Variants in TRPM4 observed in about 807,000 individuals in gnomAD.
TRPM4 encodes the protein calcium-activated non-selective cation channel 1.
A neutral mutation model predicts 135.6 loss-of-function variants in TRPM4; 124 were observed. That is an observed-to-expected ratio of 0.91 (90% CI 0.79 to 1.06). The LOEUF (loss-of-function observed/expected upper bound fraction) is 1.06. Among genes scored for constraint, TRPM4 ranks in the 50% least tolerant of loss-of-function variants. The pLI, the probability that TRPM4 is intolerant of heterozygous loss-of-function variation, is 0.00. For missense variants in TRPM4, 1,658 were observed against 1,671.4 expected (o/e 0.99, Z 0.14); for synonymous variants, 745 against 705.6 (o/e 1.06, Z -0.88).
intron 16 of TRPM4, among the ~76,000 whole-genome samples, chr19:49,194,673 C>CTCCA (rs1454094776): frequency 6.9e-6 from 1 of 144,734 alleles, no homozygotes; most frequent in Non-Finnish European, 1.5e-5. Context: ...CCCTCCCTCC[C>CTCCA]TTCCTTCCTT....
At chr19:49,186,041 G>C (rs552733776) in intron 12 of TRPM4, among the ~76,000 whole-genome samples, 1 of 152,136 alleles carries the variant, frequency 6.6e-6, no homozygotes, top group Non-Finnish European at 1.5e-5. Flanking sequence ...GTGAGCCACC[G>C]CGCCCACCCT....
At chr19:49,160,927 G>GA (rs1966936840) in intron 2 of TRPM4, among the ~76,000 whole-genome samples, 1 of 152,014 alleles carries the variant, frequency 6.6e-6, no homozygotes, top group South Asian at 2.1e-4. Flanking sequence ...ATGAGGGAGA[G>GA]AGGGGGTGCC....
intron 9 of TRPM4, among the ~76,000 whole-genome samples, chr19:49,174,456 A>T (rs1342849965): frequency 2.6e-5 from 4 of 151,784 alleles, no homozygotes; most frequent in South Asian, 2.1e-4. Context: ...TGGCCAGAGA[A>T]GTTGGCATTT....
At chr19:49,173,948 G>A (rs191329547) in intron 9 of TRPM4, among the ~76,000 whole-genome samples, 1 of 152,040 alleles carries the variant, frequency 6.6e-6, no homozygotes. Context: ...GGGATTACAG[G>A]CATGAGCCAC....
chr19:49,181,528 TTC>T, intron 10 of TRPM4, 67 bp downstream of exon 10: 98 of 864,600 alleles, frequency 1.1e-4, no homozygotes, highest in Non-Finnish European at 1.5e-4. Context: ...CCTCTCTGCC[TTC>T]TTTTTTTTTT....
At chr19:49,162,804 C>A (rs889491889) in intron 2 of TRPM4, among the ~76,000 whole-genome samples, 1 of 152,066 alleles carries the variant, frequency 6.6e-6, no homozygotes, top group Non-Finnish European at 1.5e-5. Context: ...CTCTGTCGCC[C>A]AGGCTGGAGT....
At chr19:49,188,824 A>T in intron 13 of TRPM4, 54 bp downstream of exon 13, 4 of 1,612,146 alleles carry the variant, frequency 2.5e-6, no homozygotes, top group Non-Finnish European at 3.4e-6. Flanking sequence ...CCAGAGGGGG[A>T]TGTGCAACTC....
intron 17 of TRPM4, among the ~76,000 whole-genome samples, chr19:49,198,120 A>G (rs960962392): frequency 2.0e-5 from 3 of 152,170 alleles, no homozygotes; most frequent in African/African-American, 7.2e-5. Flanking sequence ...CTATGTTAGC[A>G]GTGTTACAAA....
chr19:49,196,696 ACGCT>A lies in TRPM4; in HGVS notation c.2468_2471del (p.Thr823SerfsTer10). On this transcript the variant is annotated frameshift_variant, in exon 17 of 25. Coordinates refer to ENST00000252826, the MANE Select transcript of TRPM4 (RefSeq NM_017636.4). LOFTEE classifies it high-confidence loss of function. ...GCTGCTGCTCTATTTCTGGGCTTTC[ACGCT>A]GCTGTGCGAGGAACTGCGCCAGGGC... 1 of 1,551,186 alleles carries A rather than the reference ACGCT, an allele frequency of 6.4e-7. No individual in the cohort carries two copies. The highest frequency in any genetic ancestry group is 8.7e-7 in the Non-Finnish European group (1 of 1,154,180).
Position 49,171,587 on chromosome 19 carries a change from A to G in TRPM4, c.868A>G (p.Asn290Asp). The stretch of plus-strand genomic sequence containing the variant: ...TGCCTTTATCCTGTAGCGAATAGAG[A>G]ACGCCACCCAGGCTCAGCTCCCATG... ...GDEKMLTRIE[N>D]ATQAQLPCLL... The change falls in exon 8 of 25, where the codon AAC becomes GAC. Residue 290 changes from asparagine to aspartate, a missense_variant. Physicochemically the swap from Asn to Asp is conservative, Grantham distance 23. Around this residue, in one of 3 missense-constraint regions of TRPM4, gnomAD observed 1,412 missense variants for 1,408.7 expected, o/e 1.00. Coordinates refer to ENST00000252826, the MANE Select transcript of TRPM4 (RefSeq NM_017636.4). This position sits in a 1 kb window ranked among gnomAD's most constrained non-coding sequence, Gnocchi z 4.7. 1 of 1,613,958 alleles carries G rather than the reference A, an allele frequency of 6.2e-7. No individual in the cohort carries two copies. The highest frequency in any genetic ancestry group is 8.5e-7 in the Non-Finnish European group (1 of 1,179,998).
chr19:49,178,385 C>T (rs1967782506), intron 9 of TRPM4, among the ~76,000 whole-genome samples: 1 of 152,006 alleles, frequency 6.6e-6, no homozygotes, highest in African/African-American at 2.4e-5. Context: ...AGAGAAGAGA[C>T]TGCAGTGATG....
chr19:49,168,704 C>T lies in TRPM4; in HGVS notation c.764C>T (p.Ser255Phe), dbSNP rs371904942. ...GENRFRLRLE[S>F]YISQQKTGVG... ...AACCGCTTCCGCTTGCGCCTGGAGTCCTACATCTCACAGCAGAAGACGGGC... is the reference window on the plus strand; with the variant it reads ...AACCGCTTCCGCTTGCGCCTGGAGTTCTACATCTCACAGCAGAAGACGGGC... Residue 255 changes from serine (S) to phenylalanine (F), a missense_variant, in exon 6 of 25, where the codon TCC becomes TTC. By Grantham distance (155) the Ser-to-Phe change is radical. Coordinates refer to ENST00000252826, the MANE Select transcript of TRPM4 (RefSeq NM_017636.4). 1.9e-6 allele frequency: 3 copies of T among 1,606,042 alleles called. No individual in the cohort carries two copies. The highest frequency in any genetic ancestry group is 2.7e-5 in the African/African-American group (2 of 74,784).
intron 12 of TRPM4, 149 bp downstream of exon 12, chr19:49,183,361 T>C: frequency 2.2e-6 from 2 of 906,610 alleles, no homozygotes; most frequent in Non-Finnish European, 3.5e-6. Flanking sequence ...TCCAACTGCT[T>C]CCTCTTTCTT....
In TRPM4 at chr19:49,188,699, G is replaced by T. The variant is rs1406492047; in HGVS notation, c.1802G>T (p.Arg601Leu). 5 of 1,614,154 alleles carry T rather than the reference G, an allele frequency of 3.1e-6. No homozygotes were observed. The highest frequency in any genetic ancestry group is 1.7e-5 in the Admixed American group (1 of 60,026). ...TGTTTGCTGCTCCGGGTGATGGCAC[G>T]CCTGGAGCCTGACGCTGAGGAGGCA... Reference protein sequence around the residue: ...GACLLLRVMARLEPDAEEAAR... With the variant: ...GACLLLRVMALLEPDAEEAAR... Residue 601 changes from arginine to leucine, a missense_variant, in exon 13 of 25, where the codon CGC (arginine) becomes CTC (leucine). This residue lies in a region of TRPM4 where 1,412 missense variants were observed against 1,408.7 expected (regional missense o/e 1.00). Coordinates refer to ENST00000252826, the MANE Select transcript of TRPM4 (RefSeq NM_017636.4).
At chr19:49,174,117 C>T (rs1293499496) in intron 9 of TRPM4, among the ~76,000 whole-genome samples, 2 of 151,824 alleles carry the variant, frequency 1.3e-5, no homozygotes, top group African/African-American at 4.8e-5. Context: ...GAATCACTGT[C>T]GTTAGAAGGA....
rs781631047 is a variant in TRPM4 at position 49,166,138 on chromosome 19, G to A, written c.190G>A (p.Asp64Asn). ...GAAVVTVWDS[D>N]AHTTEKPTDA... ...AGCCGTGGTGACCGTGTGGGACAGC[G>A]ATGCACACACCACGGAGAAGCCCAC... Residue 64 changes from aspartate to asparagine, a missense_variant, in exon 3 of 25, where the codon GAT becomes AAT. Physicochemically the swap from Asp to Asn is conservative, Grantham distance 23. Coordinates refer to ENST00000252826, the MANE Select transcript of TRPM4 (RefSeq NM_017636.4). 6.2e-7 allele frequency: 1 copy of A among 1,607,852 alleles called. No homozygotes were observed. Among genetic ancestry groups the A allele is most frequent in the East Asian group, 2.2e-5 (1 of 44,548 alleles).
rs1175795 is a variant in TRPM4 at position 49,190,567 on chromosome 19, A to G, written c.2133-129A>G. 71,243 of 989,420 alleles carry G rather than the reference A, an allele frequency of 0.072. 4,352 individuals carry two copies. Among genetic ancestry groups the G allele is most frequent in the African/African-American group, 0.27 (16,926 of 62,202 alleles). 61.3% of individuals were successfully genotyped at this position (989,420 alleles called of 1,614,324 possible). On this transcript the variant is annotated intron_variant, in intron 15 of 24. Coordinates refer to ENST00000252826, the MANE Select transcript of TRPM4 (RefSeq NM_017636.4). ...GGCTCTGGGGGAAGGTCCCTTTGGG[A>G]TGACTTTAGGAGACCACCTCTCTGT...
rs1418103663 is a variant in TRPM4 at position 49,196,710 on chromosome 19, G to T, written c.2481G>T (p.Glu827Asp). 1 of 1,552,482 alleles carries T rather than the reference G, an allele frequency of 6.4e-7. No individual in the cohort carries two copies. The highest frequency in any genetic ancestry group is 8.7e-7 in the Non-Finnish European group (1 of 1,155,208). Residue 827 changes from glutamate (E) to aspartate (D), a missense_variant, in exon 17 of 25, where the codon GAG (glutamate) becomes GAT (aspartate). Glu to Asp is a conservative substitution (Grantham distance 45). Around this residue, in one of 3 missense-constraint regions of TRPM4, gnomAD observed 1,412 missense variants for 1,408.7 expected, o/e 1.00. Transcript: ENST00000252826. ...TCTGGGCTTTCACGCTGCTGTGCGA[G>T]GAACTGCGCCAGGGCCTGAGCGGAG... is the stretch of plus-strand genomic sequence containing the variant. ...LYFWAFTLLCEELRQGLSGGG... is the reference protein window; with the variant it reads ...LYFWAFTLLCDELRQGLSGGG...
chr19:49,210,202 T>G lies in TRPM4; in HGVS notation c.3132-7T>G. ...CTCAAGTGACCTTTGACCTCTGGCC[T>G]TTGCAGTTACACATTCGGCAAAGTA... On this transcript the variant is annotated splice_polypyrimidine_tract_variant and splice_region_variant and intron_variant, in intron 20 of 24. Coordinates refer to ENST00000252826, the MANE Select transcript of TRPM4 (RefSeq NM_017636.4). The surrounding 1 kb of genome is among the most constrained non-coding windows in gnomAD (Gnocchi z 4.1). 1 of 1,614,224 alleles carries G rather than the reference T, an allele frequency of 6.2e-7. No individual in the cohort carries two copies. Among genetic ancestry groups the G allele is most frequent in the South Asian group, 1.1e-5 (1 of 91,078 alleles).
Sources: allele counts gnomAD v4.1 joint callset (sites outside exome capture counted in the v4.1 genomes callset), GRCh38; gene constraint gnomAD v4.1.1; regional missense constraint gnomAD v4.1.1; non-coding constraint Gnocchi (gnomAD v3.1); transcripts MANE v1.5; gene names NCBI Gene and HGNC (gene_info 2026-07-23, HGNC 2026-07-21).